The following SPIDR variants were observed in gnomAD, a reference collection of about 807,000 sequenced individuals.
The protein encoded by SPIDR is DNA repair-scaffolding protein.
Under a neutral mutation model 104.6 loss-of-function variants are expected in SPIDR, and 93 were observed. The ratio of observed to expected loss-of-function variants is 0.89; its 90% CI spans 0.75 to 1.06. The LOEUF (loss-of-function observed/expected upper bound fraction) is 1.06, where lower values mean the gene tolerates loss of function less well. Among genes scored for constraint, SPIDR ranks in the 50% least tolerant of loss-of-function variants. The pLI is 0.00. For missense variants in SPIDR, 1,154 were observed against 1,111.2 expected (o/e 1.04, Z -0.55); for synonymous variants, 431 against 416.9 (o/e 1.03, Z -0.41).
chr8:47,464,113 TACACACACACAC>T (rs113515816), intron 8 of SPIDR, among the ~76,000 whole-genome samples: 147 of 143,464 alleles, frequency 1.0e-3, no homozygotes, highest in Admixed American at 2.9e-3. Flanking sequence ...CTAAAGATTA[TACACACACACAC>T]ACACACACAC....
At chr8:47,505,261 C>T (rs2081287760) in intron 8 of SPIDR, among the ~76,000 whole-genome samples, 1 of 152,154 alleles carries the variant, frequency 6.6e-6, no homozygotes, top group East Asian at 1.9e-4. Flanking sequence ...AGGCAGGCCT[C>T]CTTGAGCTGC....
chr8:47,368,621 A>C (rs1484699049), intron 5 of SPIDR, among the ~76,000 whole-genome samples: 1 of 152,146 alleles, frequency 6.6e-6, no homozygotes, highest in South Asian at 2.1e-4. Flanking sequence ...AGAAGTGGTT[A>C]ACATATGACT....
chr8:47,352,535 T>C (rs1236082202), intron 5 of SPIDR, among the ~76,000 whole-genome samples: 1 of 152,102 alleles, frequency 6.6e-6, no homozygotes, highest in Non-Finnish European at 1.5e-5. Context: ...TTTTTCATTG[T>C]GGTGGATTCT....
intron 5 of SPIDR, among the ~76,000 whole-genome samples, chr8:47,299,289 C>T (rs1328285059): frequency 6.6e-6 from 1 of 152,194 alleles, no homozygotes; most frequent in Non-Finnish European, 1.5e-5. Context: ...GTGATTTTTG[C>T]ACATTGATTT....
At chr8:47,376,192 ATTAT>A (rs1162638050) in intron 5 of SPIDR, among the ~76,000 whole-genome samples, 59 of 152,334 alleles carry the variant, frequency 3.9e-4, no homozygotes, top group Admixed American at 1.1e-3. Flanking sequence ...GAGCAAAAAG[ATTAT>A]TTATTTCTGG....
rs577521089 is a variant in SPIDR, at chr8:47,347,287, C to G, written c.526-49089C>G. 2.0e-5 allele frequency among the ~76,000 whole-genome samples: 3 copies of G among 152,074 alleles called. No homozygotes were observed. In the South Asian group the frequency reaches 6.2e-4, roughly 32 times the overall value. ...TGAGTTTCTTAATCCTGAGATCTAA[C>G]TTGATTGCACTGTGGTCTGAGAGAC... On this transcript the variant is annotated intron_variant, in intron 5 of 19. Coordinates refer to ENST00000297423, the MANE Select transcript of SPIDR (RefSeq NM_001080394.4).
rs547910352 is a variant in SPIDR, at chr8:47,395,191, G to T, written c.526-1185G>T. Among the ~76,000 whole-genome samples, 6 of 151,952 alleles carry T rather than the reference G, an allele frequency of 3.9e-5. No homozygotes were observed. The East Asian group carries it at 9.7e-4, about 25-fold the overall frequency. ...TGGTGAAACCCCGTCTCTACTAAAT[G>T]TACAAAAATTAGCTGGGCATCGTGC... On this transcript the variant is annotated intron_variant, in intron 5 of 19. Transcript: ENST00000297423.
At chr8:47,407,092 T>C (rs781982239) in intron 6 of SPIDR, among the ~76,000 whole-genome samples, 1 of 152,222 alleles carries the variant, frequency 6.6e-6, no homozygotes, top group Non-Finnish European at 1.5e-5. Flanking sequence ...CATATGCATG[T>C]ATTTATTTAC....
intron 8 of SPIDR, among the ~76,000 whole-genome samples, chr8:47,481,372 C>T (rs1408212583): frequency 6.6e-6 from 1 of 152,196 alleles, no homozygotes; most frequent in Non-Finnish European, 1.5e-5. Context: ...TGCGTTGGCT[C>T]ATGCCTGTAA....
chr8:47,426,508 T>C (rs750419679), intron 7 of SPIDR, among the ~76,000 whole-genome samples: 4 of 152,174 alleles, frequency 2.6e-5, no homozygotes, highest in African/African-American at 9.7e-5. Context: ...CATCATAACA[T>C]TATAATTCAT....
intron 8 of SPIDR, among the ~76,000 whole-genome samples, chr8:47,586,181 A>G (rs1343432261): frequency 1.3e-5 from 2 of 152,204 alleles, no homozygotes; most frequent in African/African-American, 4.8e-5. Flanking sequence ...TTATTAATAA[A>G]GCTGCTAACA....
intron 7 of SPIDR, among the ~76,000 whole-genome samples, chr8:47,429,233 G>T (rs1554687338): frequency 2.0e-5 from 3 of 152,062 alleles, no homozygotes; most frequent in African/African-American, 7.2e-5. Context: ...AATAATGGTG[G>T]GACCTAGAAA....
intron 10 of SPIDR, among the ~76,000 whole-genome samples, chr8:47,669,306 G>T (rs1305037407): frequency 6.6e-6 from 1 of 152,242 alleles, no homozygotes; most frequent in Non-Finnish European, 1.5e-5. Flanking sequence ...TGACAAGTGG[G>T]TGGAATTCAG....
intron 7 of SPIDR, among the ~76,000 whole-genome samples, chr8:47,438,196 C>G (rs1467500856): frequency 1.3e-5 from 2 of 152,172 alleles, no homozygotes; most frequent in African/African-American, 4.8e-5. Flanking sequence ...GAGCAGACCC[C>G]TGGGTGCTTG....
intron 8 of SPIDR, among the ~76,000 whole-genome samples, chr8:47,464,611 C>G (rs1261692758): frequency 6.6e-6 from 1 of 152,096 alleles, no homozygotes; most frequent in Admixed American, 6.5e-5. Flanking sequence ...GCTCTCACCA[C>G]AAGCCTCTGG....
intron 8 of SPIDR, among the ~76,000 whole-genome samples, chr8:47,571,356 C>G (rs765605056): frequency 3.3e-5 from 5 of 152,100 alleles, no homozygotes; most frequent in Non-Finnish European, 5.9e-5. Flanking sequence ...ATTTCACACT[C>G]TATACGTACT....
intron 8 of SPIDR, among the ~76,000 whole-genome samples, chr8:47,532,525 A>G (rs1364179690): frequency 6.6e-6 from 1 of 152,214 alleles, no homozygotes; most frequent in Non-Finnish European, 1.5e-5. Flanking sequence ...AGCAAGAAAA[A>G]TTATCAAAGA....
chr8:47,592,385 T>G, intron 8 of SPIDR: 1 of 1,328,524 alleles, frequency 7.5e-7, no homozygotes, highest in Admixed American at 1.7e-5. Flanking sequence ...TGATAAATTT[T>G]GGTCATGAAA....
chr8:47,722,924 G>C (rs1341113418), intron 16 of SPIDR, among the ~76,000 whole-genome samples: 1 of 151,796 alleles, frequency 6.6e-6, no homozygotes, highest in Non-Finnish European at 1.5e-5. Flanking sequence ...CTGCAACCTT[G>C]AACTCTTGAG....
Sources: gnomAD v4.1 joint callset for allele counts (sites outside exome capture counted in the v4.1 genomes callset) on GRCh38, gnomAD v4.1.1 for gene constraint, MANE v1.5 for transcripts, NCBI Gene and HGNC (gene_info 2026-07-23, HGNC 2026-07-21) for gene names.